Variants in LRRTM4 observed in about 807,000 individuals in gnomAD.
LRRTM4 encodes the protein leucine rich repeat transmembrane neuronal 4, also known as leucine-rich repeat transmembrane neuronal protein 4.
Under a neutral mutation model 47.6 loss-of-function variants are expected in LRRTM4, and 25 were observed. That is an observed-to-expected ratio of 0.53 (90% CI 0.38 to 0.73). The LOEUF is 0.73. Among genes scored for constraint, LRRTM4 ranks in the 30% least tolerant of loss-of-function variants. The pLI, the probability that LRRTM4 is intolerant of heterozygous loss-of-function variation, is 0.00. For missense variants in LRRTM4, 638 were observed against 713.4 expected (o/e 0.89, Z 1.20); for synonymous variants, 311 against 269.5 (o/e 1.15, Z -1.51).
chr2:77,035,410 A>G (rs1277713902), intron 3 of LRRTM4, among the ~76,000 whole-genome samples: 1 of 151,880 alleles, frequency 6.6e-6, no homozygotes, highest in Non-Finnish European at 1.5e-5. Context: ...CATGTCCATC[A>G]CTACGAAGGT....
chr2:77,377,003 T>C (rs1248511281), intron 3 of LRRTM4, among the ~76,000 whole-genome samples: 1 of 151,962 alleles, frequency 6.6e-6, no homozygotes, highest in Non-Finnish European at 1.5e-5. Context: ...CAATTATTTA[T>C]ATCACTAAGG....
intron 3 of LRRTM4, among the ~76,000 whole-genome samples, chr2:76,962,239 A>C (rs1675883839): frequency 6.6e-6 from 1 of 151,276 alleles, no homozygotes; most frequent in Non-Finnish European, 1.5e-5. Context: ...TTCTGAGAAG[A>C]CAGTTTTGTA....
intron 3 of LRRTM4, among the ~76,000 whole-genome samples, chr2:76,967,530 T>C (rs976295657): frequency 6.6e-6 from 1 of 151,544 alleles, no homozygotes; most frequent in African/African-American, 2.4e-5. Flanking sequence ...TGGGGCTTTT[T>C]TAACCTGCTG....
intron 3 of LRRTM4, among the ~76,000 whole-genome samples, chr2:76,774,650 G>C (rs1044427295): frequency 1.3e-5 from 2 of 152,154 alleles, no homozygotes; most frequent in African/African-American, 4.8e-5. Flanking sequence ...GCTGTCTCAG[G>C]GGTGACAGAG....
chr2:77,369,117 C>T (rs781605779), intron 3 of LRRTM4, among the ~76,000 whole-genome samples: 3 of 151,574 alleles, frequency 2.0e-5, no homozygotes, highest in Non-Finnish European at 4.4e-5. Context: ...TTTTTATGTA[C>T]CTGTTGGCCA....
At chr2:77,167,689 A>G (rs565956812) in intron 3 of LRRTM4, among the ~76,000 whole-genome samples, 2 of 152,298 alleles carry the variant, frequency 1.3e-5, no homozygotes, top group South Asian at 4.1e-4. Flanking sequence ...ATTCTGAGCA[A>G]ACTATCACAA....
intron 3 of LRRTM4, chr2:76,772,792 G>A (rs1673767919): frequency 6.6e-6 from 1 of 150,820 alleles, no homozygotes; most frequent in African/African-American, 2.5e-5. Flanking sequence ...TGTTGTTATA[G>A]TTGTTTTATT....
chr2:76,975,626 T>C (rs1676393344), intron 3 of LRRTM4, among the ~76,000 whole-genome samples: 1 of 151,682 alleles, frequency 6.6e-6, no homozygotes, highest in Admixed American at 6.6e-5. Context: ...AGCCAGAAGA[T>C]GGTCATGAAG....
intron 3 of LRRTM4, among the ~76,000 whole-genome samples, chr2:77,282,652 A>T (rs1446007916): frequency 4.6e-5 from 7 of 151,978 alleles, no homozygotes; most frequent in Admixed American, 4.6e-4. Context: ...AGACACATAG[A>T]CCAATGGAAC....
chr2:77,257,249 C>A (rs1408883208), intron 3 of LRRTM4, among the ~76,000 whole-genome samples: 2 of 151,912 alleles, frequency 1.3e-5, no homozygotes, highest in African/African-American at 4.8e-5. Flanking sequence ...GCAAGGCTAT[C>A]CACTCTGACC....
intron 3 of LRRTM4, among the ~76,000 whole-genome samples, chr2:77,324,693 C>A (rs1005374045): frequency 6.6e-6 from 1 of 152,100 alleles, no homozygotes; most frequent in Non-Finnish European, 1.5e-5. Context: ...GATTATACTA[C>A]ATTTTGTTGG....
intron 3 of LRRTM4, among the ~76,000 whole-genome samples, chr2:77,478,127 T>A (rs1677511338): frequency 6.6e-6 from 1 of 152,174 alleles, no homozygotes; most frequent in Admixed American, 6.5e-5. Flanking sequence ...TCCCTGTTAT[T>A]ACTTGCTGCC....
chr2:77,016,100 A>T (rs1678058767), intron 3 of LRRTM4, among the ~76,000 whole-genome samples: 1 of 151,668 alleles, frequency 6.6e-6, no homozygotes, highest in Non-Finnish European at 1.5e-5. Flanking sequence ...ATATAAACAA[A>T]CAAAAATCCG....
intron 3 of LRRTM4, among the ~76,000 whole-genome samples, chr2:76,929,724 G>A (rs1319810021): frequency 6.6e-6 from 1 of 152,108 alleles, no homozygotes; most frequent in Non-Finnish European, 1.5e-5. Flanking sequence ...AATAAAATGA[G>A]TGTTTACCTG....
chr2:76,871,629 C>T lies in LRRTM4; in HGVS notation c.1552-122713G>A, dbSNP rs60498790. Among the ~76,000 whole-genome samples the T allele has an allele frequency of 6.2e-3, 941 of 152,256 alleles. 11 individuals carry two copies. The highest frequency in any genetic ancestry group is 0.022 in the African/African-American group (899 of 41,554). On this transcript the variant is annotated intron_variant, in intron 3 of 3. Transcript: ENST00000409884. ...TTCAGACTTCTGGGTAACCCTCTCC[C>T]CATGAATGGGCAGGAACTGTCACTT...
At chr2:76,846,142 C>A (rs560148095) in intron 3 of LRRTM4, among the ~76,000 whole-genome samples, 1 of 152,170 alleles carries the variant, frequency 6.6e-6, no homozygotes, top group Non-Finnish European at 1.5e-5. Context: ...TAATGGCTTG[C>A]TATTCCTATG....
At chr2:77,162,250 C>T (rs1405410132) in intron 3 of LRRTM4, among the ~76,000 whole-genome samples, 1 of 152,154 alleles carries the variant, frequency 6.6e-6, no homozygotes, top group Non-Finnish European at 1.5e-5. Flanking sequence ...GATTAAACTG[C>T]AAGGTGGCAG....
chr2:76,887,785 C>T (rs772101640), intron 3 of LRRTM4, among the ~76,000 whole-genome samples: 1 of 150,232 alleles, frequency 6.7e-6, no homozygotes, highest in Non-Finnish European at 1.5e-5. Flanking sequence ...AAAATAAAAT[C>T]CTTTAATTTT....
intron 3 of LRRTM4, among the ~76,000 whole-genome samples, chr2:77,205,939 GATC>G (rs1670688791): frequency 6.6e-6 from 1 of 151,860 alleles, no homozygotes; most frequent in African/African-American, 2.4e-5. Flanking sequence ...AAGCTCAAGT[GATC>G]CTCCCACCTC....
Sources: gnomAD v4.1 joint callset for allele counts (sites outside exome capture counted in the v4.1 genomes callset) on GRCh38, gnomAD v4.1.1 for gene constraint, MANE v1.5 for transcripts, NCBI Gene and HGNC (gene_info 2026-07-23, HGNC 2026-07-21) for gene names.